Variants in KCNAB3 observed in about 807,000 individuals in gnomAD.
KCNAB3 encodes potassium voltage-gated channel subfamily A regulatory beta subunit 3.
A neutral mutation model predicts 67.7 loss-of-function variants in KCNAB3; 62 were observed. The ratio of observed to expected loss-of-function variants is 0.92; its 90% CI spans 0.75 to 1.13. KCNAB3 has a LOEUF of 1.13. Ranked by LOEUF, KCNAB3 falls within the 50% of genes most tolerant of loss-of-function variation. KCNAB3 has a pLI of 0.00. For missense variants in KCNAB3, 514 were observed against 522.9 expected (o/e 0.98, Z 0.17); for synonymous variants, 212 against 205.4 (o/e 1.03, Z -0.27).
At chr17:7,923,239 G>A in intron 13 of KCNAB3, 60 bp from the exon 14 acceptor site, 2 of 1,520,056 alleles carry the variant, frequency 1.3e-6, no homozygotes, top group Admixed American at 1.7e-5. Flanking sequence ...GAAAGGGCAT[G>A]GGGTTCCAGT....
At position 7,923,976 on chromosome 17, in the gene KCNAB3, A is replaced by C; in HGVS notation, c.919T>G (p.Ser307Ala). Residue 307 changes from serine to alanine, a missense_variant, in exon 11 of 14, where the codon TCC (serine) becomes GCC (alanine). Physicochemically the swap from Ser to Ala is moderately conservative, Grantham distance 99. Transcript: ENST00000303790. ...DGRVPDTCRASIKGYQWLKDK... is the reference protein window; with the variant it reads ...DGRVPDTCRAAIKGYQWLKDK... Reference sequence around the variant, plus strand: ...GAGCCCCCAGATCTCACCTTGATGGAGGCCCTGCAAGTATCTGGGACTCGC... The same window carrying C: ...GAGCCCCCAGATCTCACCTTGATGGCGGCCCTGCAAGTATCTGGGACTCGC... The C allele has an allele frequency of 1.9e-6, 3 of 1,612,320 alleles. No homozygotes were observed. Among genetic ancestry groups the C allele is most frequent in the Non-Finnish European group, 2.5e-6 (3 of 1,179,372 alleles).
chr17:7,923,581 G>C, intron 12 of KCNAB3, 37 bp from the exon 13 acceptor site: 1 of 1,569,920 alleles, frequency 6.4e-7, no homozygotes, highest in Non-Finnish European at 8.6e-7. Flanking sequence ...GACTGATGGG[G>C]AACAGTGACC....
At chr17:7,923,391 G>T in intron 13 of KCNAB3, 65 bp downstream of exon 13, 2 of 1,498,142 alleles carry the variant, frequency 1.3e-6, no homozygotes, top group Non-Finnish European at 1.8e-6. Flanking sequence ...TCCTGGGTTG[G>T]ATAGCGTGGC....
chr17:7,923,305 C>T, intron 13 of KCNAB3, 126 bp from the exon 14 acceptor site: 3 of 1,247,698 alleles, frequency 2.4e-6, no homozygotes, highest in Non-Finnish European at 2.3e-6. Flanking sequence ...GCAGCTGTGC[C>T]GGTGCCTCGC....
At chr17:7,925,056 C>A in intron 8 of KCNAB3, 41 bp downstream of exon 8, 1 of 1,575,508 alleles carries the variant, frequency 6.3e-7, no homozygotes. Flanking sequence ...AGGAAGTGCT[C>A]AGTTTTGAAG....
chr17:7,923,816 T>C lies in KCNAB3; in HGVS notation c.943A>G (p.Lys315Glu), dbSNP rs762441953. ...CCATCTTCACTCTGCACTTTGTCCT[T>C]GAGCCACTGGTAGCCCTGGAGGCCA... ...RASIKGYQWL[K>E]DKVQSEDGKK... Residue 315 changes from lysine to glutamate, a missense_variant, in exon 12 of 14, where the codon AAG (lysine) becomes GAG (glutamate). Lys to Glu is a moderately conservative substitution (Grantham distance 56). Coordinates refer to ENST00000303790, the MANE Select transcript of KCNAB3 (RefSeq NM_004732.4). 9.5e-6 allele frequency: 15 copies of C among 1,577,624 alleles called. No homozygotes were observed. The highest frequency in any genetic ancestry group is 6.9e-5 in the East Asian group (3 of 43,598).
chr17:7,929,813 G>A lies in KCNAB3; in HGVS notation c.-378C>T. The stretch of plus-strand genomic sequence containing the variant: ...ATGCCACTTCAGCGCGAACCGCTGC[G>A]GGACCCGCTGGGCTCCCAGCCGCGT... On this transcript the variant is annotated 5_prime_UTR_variant, in exon 1 of 14. Coordinates refer to ENST00000303790, the MANE Select transcript of KCNAB3 (RefSeq NM_004732.4). This position sits in a 1 kb window ranked among gnomAD's most constrained non-coding sequence, Gnocchi z 5.7. The A allele has an allele frequency of 1.9e-6, 2 of 1,039,092 alleles. No individual in the cohort carries two copies. Among genetic ancestry groups the A allele is most frequent in the South Asian group, 3.3e-5 (1 of 30,632 alleles). 64.4% of individuals were successfully genotyped at this position (1,039,092 alleles called of 1,614,324 possible).
rs867042661 is a variant in KCNAB3, at chr17:7,922,877, A to C, written c.*225T>G. On this transcript the variant is annotated 3_prime_UTR_variant, in exon 14 of 14. Transcript: ENST00000303790. ...CGGGATTTGCAAGAAGGGCCTAGAA[A>C]GACGCAGCAGGGGGCGGGCGTGCTA... The C allele has an allele frequency of 1.7e-6, 1 of 581,560 alleles. No homozygotes were observed. Among genetic ancestry groups the C allele is most frequent in the Non-Finnish European group, 3.1e-6 (1 of 323,628 alleles). 36.0% of individuals were successfully genotyped at this position (581,560 alleles called of 1,614,324 possible).
chr17:7,929,807 C>A lies in KCNAB3; in HGVS notation c.-372G>T. The stretch of plus-strand genomic sequence containing the variant: ...AGAGAGATGCCACTTCAGCGCGAAC[C>A]GCTGCGGGACCCGCTGGGCTCCCAG... On this transcript the variant is annotated 5_prime_UTR_variant, in exon 1 of 14. Transcript: ENST00000303790. The surrounding 1 kb of genome is among the most constrained non-coding windows in gnomAD (Gnocchi z 5.7). 1 of 1,039,526 alleles carries A rather than the reference C, an allele frequency of 9.6e-7. No individual in the cohort carries two copies. Among genetic ancestry groups the A allele is most frequent in the Non-Finnish European group, 1.2e-6 (1 of 863,660 alleles). 64.4% of individuals were successfully genotyped at this position (1,039,526 alleles called of 1,614,324 possible). A position where few individuals can be genotyped will look rare whatever the true frequency, so the allele number is the denominator to read the frequency against.
intron 11 of KCNAB3, 28 bp from the exon 12 acceptor site, chr17:7,923,859 A>AC: frequency 6.4e-7 from 1 of 1,560,698 alleles, no homozygotes; most frequent in South Asian, 1.2e-5. Flanking sequence ...TCAACAGAAG[A>AC]CCCCGCCATC....
At chr17:7,923,253 CG>C (rs1295143529) in intron 13 of KCNAB3, 74 bp from the exon 14 acceptor site, 120 of 1,463,890 alleles carry the variant, frequency 8.2e-5, no homozygotes, top group Non-Finnish European at 1.0e-4. Flanking sequence ...TTCCAGTAGC[CG>C]GGGAAGCACC....
intron 9 of KCNAB3, 65 bp from the exon 10 acceptor site, chr17:7,924,330 C>A (rs1972152069): frequency 3.1e-6 from 5 of 1,610,648 alleles, no homozygotes; most frequent in African/African-American, 1.3e-5. Flanking sequence ...TCTGCCTTCT[C>A]CCCCAGTGCA....
chr17:7,924,348 T>C, intron 9 of KCNAB3, 67 bp downstream of exon 9: 1 of 1,609,126 alleles, frequency 6.2e-7, no homozygotes, highest in Non-Finnish European at 8.5e-7. Flanking sequence ...GCAGTGGGCT[T>C]TGGAGTAACC....
intron 8 of KCNAB3, chr17:7,924,792 T>C (rs1972170099): frequency 2.3e-6 from 2 of 877,538 alleles, no homozygotes; most frequent in Non-Finnish European, 3.2e-6. Flanking sequence ...ACTCAGGATG[T>C]AGTTCAGTGG....
intron 1 of KCNAB3, 84 bp from the exon 2 acceptor site, chr17:7,927,910 C>G: frequency 6.5e-7 from 1 of 1,528,864 alleles, no homozygotes; most frequent in Non-Finnish European, 9.1e-7. Flanking sequence ...TCCTTCCAGA[C>G]TGAGAAGCCC....
intron 8 of KCNAB3, 127 bp from the exon 9 acceptor site, chr17:7,924,627 A>G (rs559955014): frequency 7.1e-7 from 1 of 1,409,774 alleles, no homozygotes; most frequent in South Asian, 1.7e-5. Flanking sequence ...GTTAATATCT[A>G]CTCTTTGCCT....
chr17:7,922,937 C>G lies in KCNAB3; in HGVS notation c.*165G>C. On this transcript the variant is annotated 3_prime_UTR_variant, in exon 14 of 14. Transcript: ENST00000303790. ...TCGACCCCACTGCAAAAGGATATGG[C>G]TTTGTTCATGCGTATCACTACTCGA... 3 of 658,704 alleles carry G rather than the reference C, an allele frequency of 4.6e-6. No homozygotes were observed. Among genetic ancestry groups the G allele is most frequent in the African/African-American group, 1.8e-5 (1 of 56,034 alleles). 40.8% of individuals were successfully genotyped at this position (658,704 alleles called of 1,614,324 possible).
In KCNAB3 at chr17:7,925,825, G is replaced by T. The variant is rs563871827; in HGVS notation, c.495-99C>A. 258 of 1,589,632 alleles carry T rather than the reference G, an allele frequency of 1.6e-4. 5 individuals carry two copies. The South Asian group carries it at 2.7e-3, about 17-fold the overall frequency. On this transcript the variant is annotated intron_variant, in intron 6 of 13. Coordinates refer to ENST00000303790, the MANE Select transcript of KCNAB3 (RefSeq NM_004732.4). ...AATGGGATTGCACGAGTCTTCACAG[G>T]CATGGTGCGGACCTGGTGCAGGATA...
intron 3 of KCNAB3, 56 bp downstream of exon 3, chr17:7,927,601 C>A: frequency 6.2e-7 from 1 of 1,606,706 alleles, no homozygotes. Flanking sequence ...GTTCACTTCC[C>A]TTTTTTCAAG....
Sources: allele counts gnomAD v4.1 joint callset, GRCh38; gene constraint gnomAD v4.1.1; non-coding constraint Gnocchi (gnomAD v3.1); transcripts MANE v1.5; gene names NCBI Gene and HGNC (gene_info 2026-07-23, HGNC 2026-07-21).